MLXIP: variants seen among roughly 807,000 people sequenced by gnomAD.
The protein encoded by MLXIP is MLX interacting protein, also known as MLX-interacting protein.
Under a neutral mutation model 87.2 loss-of-function variants are expected in MLXIP, and 30 were observed. The observed-to-expected ratio is 0.34, with a 90% CI of 0.26 to 0.47. The LOEUF is 0.47. Ranked by LOEUF, MLXIP falls within the 20% of genes least tolerant of loss-of-function variation. The probability of loss-of-function intolerance (pLI) is 1.00; values close to 1 mark genes in which losing one functional copy is unlikely to be tolerated. For synonymous variants in MLXIP, 530 were observed against 514.0 expected (o/e 1.03, Z -0.42); for missense variants, 1,002 against 1,240.1 (o/e 0.81, Z 2.88).
chr12:122,121,049 C>T (rs1386644103), intron 1 of MLXIP, among the ~76,000 whole-genome samples: 7 of 104,760 alleles, frequency 6.7e-5, no homozygotes, highest in East Asian at 8.9e-4. Flanking sequence ...CTCACTCTGT[C>T]GCCAGGCTGG....
intron 1 of MLXIP, among the ~76,000 whole-genome samples, chr12:122,116,130 T>C (rs898529904): frequency 6.6e-6 from 1 of 151,966 alleles, no homozygotes; most frequent in Non-Finnish European, 1.5e-5. Flanking sequence ...GTAGTCTGTT[T>C]ACCAGTAATG....
At chr12:122,090,068 ACT>A (rs1952223211) in intron 1 of MLXIP, among the ~76,000 whole-genome samples, 1 of 152,102 alleles carries the variant, frequency 6.6e-6, no homozygotes, top group Admixed American at 6.6e-5. Context: ...TACCAACCTT[ACT>A]CTTCTTCCAT....
At chr12:122,086,247 C>A (rs547547298) in intron 1 of MLXIP, among the ~76,000 whole-genome samples, 23 of 152,174 alleles carry the variant, frequency 1.5e-4, no homozygotes, top group Non-Finnish European at 3.1e-4. Context: ...GTCTGTTGTT[C>A]TAAGCCACTA....
At chr12:122,079,759 C>T (rs1287533933) in intron 1 of MLXIP, among the ~76,000 whole-genome samples, 1 of 152,216 alleles carries the variant, frequency 6.6e-6, no homozygotes, top group Non-Finnish European at 1.5e-5. Context: ...CTCCAAGGGG[C>T]TGTTGTGGGG....
At chr12:122,116,580 G>A (rs1420275725) in intron 1 of MLXIP, among the ~76,000 whole-genome samples, 1 of 152,210 alleles carries the variant, frequency 6.6e-6, no homozygotes, top group Admixed American at 6.5e-5. Context: ...TTCTGGCGAG[G>A]AAACCTAGGA....
rs767763149 is a variant in MLXIP, at chr12:122,138,454, G to A, written c.2287G>A (p.Val763Met). 9.3e-6 allele frequency: 15 copies of A among 1,613,812 alleles called. No homozygotes were observed. The highest frequency in any genetic ancestry group is 6.7e-5 in the East Asian group (3 of 44,898). ...TCACGCCATCACACTGCAGAAGACT[G>A]TGGAGTACATCACCAAGCTGCAGCA... is the stretch of plus-strand genomic sequence containing the variant. ...TSHAITLQKT[V>M]EYITKLQQER... The change falls in exon 14 of 17, where the codon GTG becomes ATG. Residue 763 changes from valine (V) to methionine (M), a missense_variant. Around this residue, in one of 3 missense-constraint regions of MLXIP, gnomAD observed 746 missense variants for 897.0 expected, o/e 0.83. Transcript: ENST00000319080.
At chr12:122,083,141 C>T (rs1454597797) in intron 1 of MLXIP, among the ~76,000 whole-genome samples, 1 of 152,142 alleles carries the variant, frequency 6.6e-6, no homozygotes, top group Non-Finnish European at 1.5e-5. Flanking sequence ...ATTCTGAACA[C>T]TTCTAGTGTG....
intron 1 of MLXIP, among the ~76,000 whole-genome samples, chr12:122,096,566 T>A (rs1384454417): frequency 1.3e-5 from 2 of 152,196 alleles, no homozygotes; most frequent in East Asian, 3.8e-4. Context: ...CAGGTGTGTC[T>A]AGGGGAATGG....
intron 1 of MLXIP, among the ~76,000 whole-genome samples, chr12:122,125,888 G>C (rs1233601265): frequency 6.6e-6 from 1 of 152,230 alleles, no homozygotes; most frequent in East Asian, 1.9e-4. Context: ...GCACAGCCAG[G>C]GCATCTGCCT....
Position 122,121,039 on chromosome 12 carries a change from C to T in MLXIP, c.414-6217C>T, listed in dbSNP as rs1368486837. Among the ~76,000 whole-genome samples the T allele has an allele frequency of 1.9e-4, 10 of 52,732 alleles. No individual in the cohort carries two copies. In the Admixed American group the frequency reaches 2.2e-3, roughly 12 times the overall value. 34.6% of individuals were successfully genotyped at this position (52,732 alleles called of 152,430 possible). A position where few individuals can be genotyped will look rare whatever the true frequency, so the allele number is the denominator to read the frequency against. On this transcript the variant is annotated intron_variant, in intron 1 of 16. Coordinates refer to ENST00000319080, the MANE Select transcript of MLXIP (RefSeq NM_014938.6). ...TTTTTTTTTTTTTTTGAAACGGTGT[C>T]TCACTCTGTCGCCAGGCTGGAATGC...
chr12:122,079,111 G>A lies in MLXIP; in HGVS notation c.258G>A (p.Ser86=). ...IIHSGHFMVS[S]PHREHPPKKG... Reference sequence around the variant, plus strand: ...ACAGCGGCCACTTCATGGTGTCGTCGCCGCACCGAGAGCACCCGCCCAAGA... The same window carrying A: ...ACAGCGGCCACTTCATGGTGTCGTCACCGCACCGAGAGCACCCGCCCAAGA... The change falls in exon 1 of 17, where the codon TCG becomes TCA. Residue 86 remains serine, a synonymous_variant. Transcript: ENST00000319080. The A allele has an allele frequency of 1.3e-6, 2 of 1,547,586 alleles. No homozygotes were observed. The highest frequency in any genetic ancestry group is 2.5e-5 in the East Asian group (1 of 40,658).
At chr12:122,123,375 C>T (rs1470381420) in intron 1 of MLXIP, among the ~76,000 whole-genome samples, 1 of 152,104 alleles carries the variant, frequency 6.6e-6, no homozygotes, top group Non-Finnish European at 1.5e-5. Flanking sequence ...GTTTCTTGAG[C>T]GCCACCTGTT....
At chr12:122,117,429 G>T (rs1046560854) in intron 1 of MLXIP, among the ~76,000 whole-genome samples, 16 of 152,348 alleles carry the variant, frequency 1.1e-4, no homozygotes, top group Admixed American at 1.0e-3. Context: ...CTGGCAGCCT[G>T]TGGGACCAGG....
intron 1 of MLXIP, among the ~76,000 whole-genome samples, chr12:122,086,854 G>C (rs545897633): frequency 1.3e-5 from 2 of 152,236 alleles, no homozygotes; most frequent in Admixed American, 6.5e-5. Context: ...TCACTGTCCG[G>C]CCAGACGCCT....
chr12:122,091,180 G>A (rs1952240663), intron 1 of MLXIP, among the ~76,000 whole-genome samples: 1 of 152,054 alleles, frequency 6.6e-6, no homozygotes, highest in African/African-American at 2.4e-5. Context: ...TTATCTTTAG[G>A]AATCTGACTT....
At chr12:122,140,659 G>A (rs1015654775) in intron 15 of MLXIP, among the ~76,000 whole-genome samples, 20 of 152,156 alleles carry the variant, frequency 1.3e-4, no homozygotes, top group African/African-American at 4.1e-4. Flanking sequence ...GAACGATTTT[G>A]ATCGCATGTT....
At chr12:122,081,128 G>A (rs1952085345) in intron 1 of MLXIP, among the ~76,000 whole-genome samples, 3 of 151,838 alleles carry the variant, frequency 2.0e-5, no homozygotes, top group Non-Finnish European at 2.9e-5. Context: ...GCAGCTGGCC[G>A]TTGCTCAGTT....
chr12:122,102,220 T>G (rs536964275), intron 1 of MLXIP, among the ~76,000 whole-genome samples: 1 of 152,144 alleles, frequency 6.6e-6, no homozygotes, highest in East Asian at 1.9e-4. Flanking sequence ...ATTTAGAATA[T>G]ATAAAGAATT....
intron 1 of MLXIP, among the ~76,000 whole-genome samples, chr12:122,093,939 T>G (rs1952296476): frequency 2.4e-5 from 3 of 125,460 alleles, no homozygotes; most frequent in Non-Finnish European, 5.1e-5. Context: ...TGGTGGTGTG[T>G]GGGGTGTGTT....
Sources: gnomAD v4.1 joint callset for allele counts (sites outside exome capture counted in the v4.1 genomes callset) on GRCh38, gnomAD v4.1.1 for gene constraint, gnomAD v4.1.1 regional missense constraint, MANE v1.5 for transcripts, NCBI Gene and HGNC (gene_info 2026-07-23, HGNC 2026-07-21) for gene names.